Variants in CNR2 observed in about 807,000 individuals in gnomAD.
CNR2 encodes the protein cannabinoid receptor 2 (macrophage).
For synonymous variants in CNR2, 172 were observed against 182.2 expected, an observed-to-expected ratio of 0.94 and a Z score of 0.45; for missense variants, 379 against 439.9, an observed-to-expected ratio of 0.86 and a Z score of 1.24.
chr1:23,910,818 C>T (rs1468066949), intron 1 of CNR2, among the ~76,000 whole-genome samples: 2 of 151,980 alleles, frequency 1.3e-5, no homozygotes, highest in African/African-American at 4.8e-5. Flanking sequence ...GTAACTTGCC[C>T]CAGGTTGCCT....
At chr1:23,897,164 T>C (rs1320062866) in intron 1 of CNR2, among the ~76,000 whole-genome samples, 3 of 151,556 alleles carry the variant, frequency 2.0e-5, no homozygotes, top group African/African-American at 7.3e-5. Flanking sequence ...TGTGAGCCAC[T>C]GCACCCTGCC....
At chr1:23,883,001 A>G (rs1323396590) in intron 1 of CNR2, among the ~76,000 whole-genome samples, 1 of 152,098 alleles carries the variant, frequency 6.6e-6, no homozygotes, top group African/African-American at 2.4e-5. Flanking sequence ...AGAACTGACA[A>G]AGTCAAAGCT....
chr1:23,894,595 A>T (rs1640246495), intron 1 of CNR2, among the ~76,000 whole-genome samples: 1 of 145,304 alleles, frequency 6.9e-6, no homozygotes, highest in Non-Finnish European at 1.5e-5. Flanking sequence ...TGAGGTCAGG[A>T]GTTCGAGACC....
chr1:23,881,046 C>T (rs572827093), intron 1 of CNR2, among the ~76,000 whole-genome samples: 58 of 151,544 alleles, frequency 3.8e-4, no homozygotes, highest in African/African-American at 1.2e-3. Context: ...GAGACCAAGG[C>T]GGGCAGATCA....
chr1:23,897,975 G>A (rs1640311844), intron 1 of CNR2, among the ~76,000 whole-genome samples: 1 of 152,058 alleles, frequency 6.6e-6, no homozygotes, highest in Non-Finnish European at 1.5e-5. Context: ...TACAAGCACT[G>A]TGTCCTTTTC....
intron 1 of CNR2, among the ~76,000 whole-genome samples, chr1:23,889,529 GC>G (rs200742705): frequency 0.018 from 2,732 of 151,958 alleles, 32 homozygotes; most frequent in Non-Finnish European, 0.029. Context: ...TTGCTATATT[GC>G]TCAGGCTGGT....
intron 1 of CNR2, among the ~76,000 whole-genome samples, chr1:23,898,335 C>CCATTTTTT (rs1230917304): frequency 1.8e-5 from 2 of 108,224 alleles, no homozygotes; most frequent in African/African-American, 3.6e-5. Context: ...CCGCGCCCGG[C>CCATTTTTT]TTTTTTTTTT....
chr1:23,898,731 C>T (rs544249417), intron 1 of CNR2, among the ~76,000 whole-genome samples: 4 of 130,000 alleles, frequency 3.1e-5, no homozygotes, highest in African/African-American at 1.2e-4. Flanking sequence ...TGGCTCACTG[C>T]AAGCTCCGCC....
chr1:23,895,031 C>T (rs1211829245), intron 1 of CNR2, among the ~76,000 whole-genome samples: 4 of 152,028 alleles, frequency 2.6e-5, no homozygotes, highest in African/African-American at 7.2e-5. Context: ...ACCAGCCTGG[C>T]CAACATGGCA....
chr1:23,879,454 A>G (rs1214082326), intron 1 of CNR2, among the ~76,000 whole-genome samples: 1 of 152,088 alleles, frequency 6.6e-6, no homozygotes, highest in Non-Finnish European at 1.5e-5. Context: ...TCTCTACAAG[A>G]CATAAAAATT....
In CNR2 at chr1:23,874,716, A is replaced by G. The variant is rs1352877241; in HGVS notation, c.902T>C (p.Leu301Pro). The change falls in exon 2 of 2, where the codon CTA (leucine) becomes CCA (proline). Residue 301 changes from leucine (L) to proline (P), a missense_variant. Transcript: ENST00000374472. ...NSMVNPVIYA[L>P]RSGEIRSSAH... ...AGAGGAGCGGATCTCTCCACTCCGT[A>G]GAGCATAGATGACAGGGTTGACCAT... 2 of 1,614,052 alleles carry G rather than the reference A, an allele frequency of 1.2e-6. No individual in the cohort carries two copies. The highest frequency in any genetic ancestry group is 1.3e-5 in the African/African-American group (1 of 74,928).
chr1:23,905,167 T>G (rs1640467562), intron 1 of CNR2, among the ~76,000 whole-genome samples: 1 of 150,050 alleles, frequency 6.7e-6, no homozygotes, highest in Admixed American at 6.6e-5. Flanking sequence ...TTCTCTGCAC[T>G]TAACTTTTCT....
intron 1 of CNR2, among the ~76,000 whole-genome samples, chr1:23,899,888 AG>A (rs1289862242): frequency 2.1e-4 from 1 of 4,790 alleles, no homozygotes; most frequent in African/African-American, 2.3e-4. Context: ...AGAGAAAGAA[AG>A]AAAGAGAAAG....
chr1:23,902,369 GC>G, intron 1 of CNR2: 1 of 1,585,180 alleles, frequency 6.3e-7, no homozygotes, highest in Non-Finnish European at 8.6e-7. Context: ...ACAGCAGGAC[GC>G]AGGCGTTCTT....
chr1:23,898,551 C>T (rs1334613360), intron 1 of CNR2, among the ~76,000 whole-genome samples: 1 of 149,446 alleles, frequency 6.7e-6, no homozygotes, highest in Non-Finnish European at 1.5e-5. Flanking sequence ...CCGAGTTAAC[C>T]AGGATGGTCT....
chr1:23,886,299 T>C (rs904583422), intron 1 of CNR2, among the ~76,000 whole-genome samples: 4 of 152,208 alleles, frequency 2.6e-5, no homozygotes, highest in African/African-American at 7.2e-5. Flanking sequence ...TAGGTGCTTC[T>C]TGCAATCTGC....
intron 1 of CNR2, among the ~76,000 whole-genome samples, chr1:23,890,932 G>A (rs1264120608): frequency 2.0e-5 from 3 of 148,062 alleles, no homozygotes; most frequent in Non-Finnish European, 4.5e-5. Flanking sequence ...AGGCTGGAGT[G>A]CAGTGGTGTG....
At chr1:23,885,492 G>A (rs1276129094) in intron 1 of CNR2, among the ~76,000 whole-genome samples, 1 of 152,058 alleles carries the variant, frequency 6.6e-6, no homozygotes, top group Admixed American at 6.6e-5. Context: ...TATCATACAT[G>A]GAAGTGTTCA....
Position 23,898,631 on chromosome 1 carries a change from C to T in CNR2, c.-46+14615G>A, listed in dbSNP as rs11486176. Among the ~76,000 whole-genome samples the T allele has an allele frequency of 1.8e-3, 244 of 138,674 alleles. 1 individual carries two copies. Among genetic ancestry groups the T allele is most frequent in the Admixed American group, 5.1e-3 (67 of 13,244 alleles). 91.0% of individuals were successfully genotyped at this position (138,674 alleles called of 152,430 possible). ...GCTGGGATTCAGGCTTGAGCCACCA[C>T]GCCTGGCCAATTTTTTTTTTTTTTT... On this transcript the variant is annotated intron_variant, in intron 1 of 1. Transcript: ENST00000374472.
Sources: gnomAD v4.1 joint callset for allele counts (sites outside exome capture counted in the v4.1 genomes callset) on GRCh38, gnomAD v4.1.1 for gene constraint, MANE v1.5 for transcripts, NCBI Gene and HGNC (gene_info 2026-07-23, HGNC 2026-07-21) for gene names.